The following BCKDHB variants were observed in gnomAD, a reference collection of about 807,000 sequenced individuals.
The protein encoded by BCKDHB is 2-oxoisovalerate dehydrogenase subunit beta, mitochondrial.
In BCKDHB, 41 loss-of-function variants were observed where a neutral mutation model predicts 48.5. The observed-to-expected ratio is 0.85, with a 90% confidence interval of 0.66 to 1.10. The LOEUF (loss-of-function observed/expected upper bound fraction) is 1.10, where lower values mean the gene tolerates loss of function less well. Ranked by LOEUF, BCKDHB falls within the 50% of genes least tolerant of loss-of-function variation. The pLI, the probability that BCKDHB is intolerant of heterozygous loss-of-function variation, is 0.00. For missense variants in BCKDHB, 496 were observed against 494.2 expected (o/e 1.00, Z -0.03); for synonymous variants, 201 against 174.8 (o/e 1.15, Z -1.18).
the BCKDHB span, among the ~76,000 whole-genome samples, chr6:80,425,166 C>G: frequency 6.6e-6 from 1 of 152,152 alleles, no homozygotes; most frequent in South Asian, 2.1e-4. Flanking sequence ...ACAAAACATT[C>G]TCCAAATATA....
At chr6:80,418,959 C>T in the BCKDHB span, among the ~76,000 whole-genome samples, 1 of 152,118 alleles carries the variant, frequency 6.6e-6, no homozygotes, top group African/African-American at 2.4e-5. Flanking sequence ...GGTGCAGGTC[C>T]GAGTGCCTTC....
At chr6:80,215,976 G>A (rs1217539552) in intron 8 of BCKDHB, among the ~76,000 whole-genome samples, 4 of 152,112 alleles carry the variant, frequency 2.6e-5, no homozygotes, top group Non-Finnish European at 5.9e-5. Context: ...TCCTGACCTC[G>A]TGATCCGCCT....
chr6:80,391,839 A>G, the BCKDHB span, among the ~76,000 whole-genome samples: 5 of 152,100 alleles, frequency 3.3e-5, no homozygotes, highest in Admixed American at 2.6e-4. Flanking sequence ...TGCTGTATTG[A>G]TTATTACTTG....
At chr6:80,114,509 G>A (rs1163016965) in intron 1 of BCKDHB, among the ~76,000 whole-genome samples, 11 of 152,000 alleles carry the variant, frequency 7.2e-5, no homozygotes, top group African/African-American at 1.9e-4. Flanking sequence ...TTGGCCTCCC[G>A]AAGTGCTGGG....
chr6:80,116,595 G>T (rs1440189441), intron 1 of BCKDHB, among the ~76,000 whole-genome samples: 1 of 152,156 alleles, frequency 6.6e-6, no homozygotes, highest in Non-Finnish European at 1.5e-5. Context: ...GCATATTCAT[G>T]ATTCTTTACT....
the BCKDHB span, among the ~76,000 whole-genome samples, chr6:80,408,426 A>T: frequency 2.0e-5 from 3 of 152,280 alleles, no homozygotes; most frequent in African/African-American, 7.2e-5. Context: ...TTCAGAAGAA[A>T]TGTTACCAGC....
chr6:80,258,172 T>A (rs1777137916), intron 8 of BCKDHB, among the ~76,000 whole-genome samples: 1 of 152,214 alleles, frequency 6.6e-6, no homozygotes, highest in Non-Finnish European at 1.5e-5. Flanking sequence ...GCTTCTGTGT[T>A]GTTTAAAACA....
chr6:80,304,269 G>A (rs1767738157), intron 9 of BCKDHB, among the ~76,000 whole-genome samples: 1 of 152,090 alleles, frequency 6.6e-6, no homozygotes, highest in African/African-American at 2.4e-5. Context: ...CAGAGTTGGG[G>A]TGGGGTAGAG....
chr6:80,226,800 C>T (rs1775699235), intron 8 of BCKDHB, among the ~76,000 whole-genome samples: 1 of 152,154 alleles, frequency 6.6e-6, no homozygotes, highest in Admixed American at 6.5e-5. Flanking sequence ...CTTTTGCTAC[C>T]ATTAAGCATA....
chr6:80,183,059 C>T (rs1177044514), intron 6 of BCKDHB, among the ~76,000 whole-genome samples: 1 of 152,032 alleles, frequency 6.6e-6, no homozygotes, highest in East Asian at 1.9e-4. Context: ...AAGAAAACAT[C>T]TCTGCTTGTA....
chr6:80,307,953 A>G, intron 9 of BCKDHB: 1 of 959,402 alleles, frequency 1.0e-6, no homozygotes, highest in Non-Finnish European at 1.2e-6. Context: ...AATTTAATCT[A>G]GCAAAAAATT....
chr6:80,183,897 C>G (rs1314916882), intron 6 of BCKDHB, among the ~76,000 whole-genome samples: 2 of 152,212 alleles, frequency 1.3e-5, no homozygotes, highest in East Asian at 3.9e-4. Flanking sequence ...AAGATTCCTC[C>G]ATGTCTTTTC....
chr6:80,256,356 G>C (rs1777050303), intron 8 of BCKDHB, among the ~76,000 whole-genome samples: 1 of 152,126 alleles, frequency 6.6e-6, no homozygotes, highest in Non-Finnish European at 1.5e-5. Context: ...ACTGCTCCTA[G>C]ACTATAAACC....
chr6:80,199,027 A>G (rs921371144), intron 6 of BCKDHB, among the ~76,000 whole-genome samples: 3 of 152,200 alleles, frequency 2.0e-5, no homozygotes, highest in Admixed American at 2.0e-4. Flanking sequence ...GCAGTATTCC[A>G]GAATGAATTC....
intron 9 of BCKDHB, among the ~76,000 whole-genome samples, chr6:80,315,225 C>A (rs957619168): frequency 6.6e-6 from 1 of 152,168 alleles, no homozygotes; most frequent in Non-Finnish European, 1.5e-5. Context: ...GCTGCCTGAG[C>A]AACCGCTCTG....
intron 9 of BCKDHB, among the ~76,000 whole-genome samples, chr6:80,273,937 G>A (rs1275955526): frequency 6.6e-6 from 1 of 151,936 alleles, no homozygotes; most frequent in Non-Finnish European, 1.5e-5. Flanking sequence ...TGAAAATTAA[G>A]TAGCCATATT....
chr6:80,390,744 A>C, the BCKDHB span, among the ~76,000 whole-genome samples: 2 of 152,134 alleles, frequency 1.3e-5, no homozygotes, highest in African/African-American at 4.8e-5. Context: ...GTATAGGTTC[A>C]AGTTGAAAAG....
chr6:80,353,778 G>A, the BCKDHB span, among the ~76,000 whole-genome samples: 101 of 152,214 alleles, frequency 6.6e-4, no homozygotes, highest in Middle Eastern at 3.4e-3. Context: ...ACTTGAACCC[G>A]GGAGGCAGAG....
At chr6:80,240,730 C>T (rs1032395647) in intron 8 of BCKDHB, among the ~76,000 whole-genome samples, 1 of 152,134 alleles carries the variant, frequency 6.6e-6, no homozygotes, top group Non-Finnish European at 1.5e-5. Context: ...GAGAGGGCAT[C>T]CCTGTCTTGT....
Sources: gnomAD v4.1 joint callset for allele counts (sites outside exome capture counted in the v4.1 genomes callset) on GRCh38, gnomAD v4.1.1 for gene constraint, MANE v1.5 for transcripts, NCBI Gene and HGNC (gene_info 2026-07-23, HGNC 2026-07-21) for gene names.